The following PDE8A variants were observed in gnomAD, a reference collection of about 807,000 sequenced individuals.
The protein encoded by PDE8A is phosphodiesterase 8A.
PDE8A carries 59 observed loss-of-function variants against 105.0 expected under a neutral mutation model. The observed-to-expected ratio is 0.56, with a 90% CI of 0.46 to 0.70. The LOEUF (loss-of-function observed/expected upper bound fraction) is 0.70. PDE8A is among the 30% of genes least tolerant of loss of function. The pLI is 0.00. For missense variants in PDE8A, 1,014 were observed against 1,045.9 expected (o/e 0.97, Z 0.42); for synonymous variants, 355 against 371.9 (o/e 0.95, Z 0.52).
intron 14 of PDE8A, 124 bp from the exon 15 acceptor site, chr15:85,115,315 C>T: frequency 1.6e-6 from 1 of 632,286 alleles, no homozygotes; most frequent in Non-Finnish European, 2.8e-6. Context: ...GGGCCCAGGG[C>T]AGCCTTGAGT....
intron 1 of PDE8A, among the ~76,000 whole-genome samples, chr15:85,056,215 G>A (rs1261555767): frequency 5.9e-5 from 9 of 152,230 alleles, no homozygotes; most frequent in South Asian, 2.1e-4. Context: ...TGGGTAACCC[G>A]ACCTTTCTCT....
intron 11 of PDE8A, among the ~76,000 whole-genome samples, chr15:85,102,522 AT>A (rs35094470): frequency 0.015 from 2,184 of 145,922 alleles, 51 homozygotes; most frequent in African/African-American, 0.045. Context: ...GGTTGTAAGC[AT>A]TTTTTTTTTT....
At position 85,009,090 on chromosome 15, in the gene PDE8A, TGAGA is replaced by T. The variant is rs747103517; in HGVS notation, c.186+26760_186+26763del. Reference sequence around the variant, plus strand: ...CTTCACTTCCTGGTGTGTTAGTGTGTGAGAGAGAGAGAGAGAGAGAGTGTGTGTG... The same window carrying T: ...CTTCACTTCCTGGTGTGTTAGTGTGTGAGAGAGAGAGAGAGAGTGTGTGTG... On this transcript the variant is annotated intron_variant, in intron 1 of 21. Coordinates refer to ENST00000394553, the MANE Select transcript of PDE8A (RefSeq NM_002605.3). Among the ~76,000 whole-genome samples the T allele has an allele frequency of 2.3e-3, 343 of 147,942 alleles. 1 individual carries two copies. The highest frequency in any genetic ancestry group is 0.018 in the Middle Eastern group (5 of 284).
intron 1 of PDE8A, among the ~76,000 whole-genome samples, chr15:85,016,469 T>G (rs1441619436): frequency 2.0e-5 from 3 of 152,218 alleles, no homozygotes; most frequent in African/African-American, 7.2e-5. Context: ...TAAATTCCAT[T>G]CATAATTGAG....
At chr15:85,046,765 T>G (rs2141409083) in intron 1 of PDE8A, among the ~76,000 whole-genome samples, 1 of 152,318 alleles carries the variant, frequency 6.6e-6, no homozygotes, top group South Asian at 2.1e-4. Context: ...ATATATCTAT[T>G]TTCTTTCTCA....
chr15:85,133,924 C>T (rs1312234670), intron 20 of PDE8A, among the ~76,000 whole-genome samples: 1 of 152,116 alleles, frequency 6.6e-6, no homozygotes, highest in African/African-American at 2.4e-5. Context: ...TGGCTCTGTG[C>T]CAGGTGTTGT....
chr15:85,013,141 A>G (rs1404642454), intron 1 of PDE8A, among the ~76,000 whole-genome samples: 1 of 152,236 alleles, frequency 6.6e-6, no homozygotes, highest in Non-Finnish European at 1.5e-5. Flanking sequence ...GAACAGGGGA[A>G]GCAGAGAGAT....
intron 1 of PDE8A, among the ~76,000 whole-genome samples, chr15:84,997,165 C>T (rs899828603): frequency 3.9e-5 from 6 of 152,020 alleles, no homozygotes; most frequent in Non-Finnish European, 7.4e-5. Context: ...TTTTTCTTCA[C>T]ATACTTACTC....
intron 1 of PDE8A, among the ~76,000 whole-genome samples, chr15:85,010,133 T>A (rs1432513061): frequency 1.3e-5 from 2 of 152,172 alleles, no homozygotes; most frequent in Non-Finnish European, 2.9e-5. Context: ...GGGTAGTGAT[T>A]TGGAGAAGGC....
In PDE8A at chr15:84,982,364, C is replaced by T; in HGVS notation, c.186+16C>T. The T allele has an allele frequency of 7.7e-7, 1 of 1,295,786 alleles. No individual in the cohort carries two copies. The highest frequency in any genetic ancestry group is 9.8e-7 in the Non-Finnish European group (1 of 1,022,344). 80.3% of individuals were successfully genotyped at this position (1,295,786 alleles called of 1,614,324 possible). On this transcript the variant is annotated intron_variant, in intron 1 of 21. Transcript: ENST00000394553. ...CGGCAAGAAGGTAAGGGGCGCCGGGCACTCTGGGGCCGCCGCGAAACTCGG... is the reference window on the plus strand; with the variant it reads ...CGGCAAGAAGGTAAGGGGCGCCGGGTACTCTGGGGCCGCCGCGAAACTCGG...
chr15:85,007,141 G>A (rs182396744), intron 1 of PDE8A, among the ~76,000 whole-genome samples: 2 of 152,274 alleles, frequency 1.3e-5, no homozygotes, highest in Admixed American at 1.3e-4. Flanking sequence ...AAAAGTGTGG[G>A]ATGTGGGTTT....
At chr15:85,068,557 T>G (rs1029819652) in intron 3 of PDE8A, among the ~76,000 whole-genome samples, 3 of 150,950 alleles carry the variant, frequency 2.0e-5, no homozygotes, top group African/African-American at 7.3e-5. Flanking sequence ...TGGTTTCCAG[T>G]ATCCCTTTTA....
At chr15:84,999,662 C>G (rs2080036590) in intron 1 of PDE8A, among the ~76,000 whole-genome samples, 1 of 152,108 alleles carries the variant, frequency 6.6e-6, no homozygotes, top group South Asian at 2.1e-4. Context: ...GCAACCTCTG[C>G]CTCCCGGGTT....
chr15:85,095,142 G>A (rs2081721969), intron 8 of PDE8A, among the ~76,000 whole-genome samples: 1 of 152,086 alleles, frequency 6.6e-6, no homozygotes, highest in Non-Finnish European at 1.5e-5. Flanking sequence ...ACAGAAGGGA[G>A]GTAATAGTCT....
chr15:85,108,748 AAATAT>A (rs1284050774), intron 11 of PDE8A, among the ~76,000 whole-genome samples: 3 of 152,226 alleles, frequency 2.0e-5, no homozygotes, highest in East Asian at 3.9e-4. Context: ...AATTATATAG[AAATAT>A]AATAGGAGAA....
chr15:85,124,667 C>G (rs188003742), intron 19 of PDE8A, among the ~76,000 whole-genome samples: 23 of 152,312 alleles, frequency 1.5e-4, no homozygotes, highest in Admixed American at 1.4e-3. Flanking sequence ...CTTTCCTGTT[C>G]TCTCAATTTG....
chr15:85,106,376 CCATCTCCTT>C (rs2081947838), intron 11 of PDE8A, among the ~76,000 whole-genome samples: 1 of 152,176 alleles, frequency 6.6e-6, no homozygotes, highest in Admixed American at 6.6e-5. Context: ...TCCCCACTGA[CCATCTCCTT>C]TCGAGTTCAT....
In PDE8A at chr15:85,026,615, A is replaced by G. The variant is rs541454731; in HGVS notation, c.187-37755A>G. 1.0e-3 allele frequency among the ~76,000 whole-genome samples: 154 copies of G among 152,260 alleles called. 1 individual carries two copies. The highest frequency in any genetic ancestry group is 3.6e-3 in the African/African-American group (148 of 41,544). The stretch of plus-strand genomic sequence containing the variant: ...TAGAGAGATGGAGATCTATATCCCC[A>G]TCTCTCAATGGGTAGAGAGTCAAAA... On this transcript the variant is annotated intron_variant, in intron 1 of 21. Transcript: ENST00000394553.
chr15:85,096,470 A>G (rs563070606), intron 8 of PDE8A, among the ~76,000 whole-genome samples: 15 of 152,254 alleles, frequency 9.9e-5, no homozygotes, highest in South Asian at 4.2e-4. Flanking sequence ...AAGATAAAGA[A>G]AGTATACTAT....
Sources: allele counts gnomAD v4.1 joint callset (sites outside exome capture counted in the v4.1 genomes callset), GRCh38; gene constraint gnomAD v4.1.1; transcripts MANE v1.5; gene names NCBI Gene and HGNC (gene_info 2026-07-23, HGNC 2026-07-21).